The following EBF1 variants were observed in gnomAD, a reference collection of about 807,000 sequenced individuals.
The protein encoded by EBF1 is transcription factor COE1.
EBF1 carries 10 observed loss-of-function variants against 68.4 expected under a neutral mutation model. That is an observed-to-expected ratio of 0.15 (90% CI 0.09 to 0.25). The LOEUF (loss-of-function observed/expected upper bound fraction) is 0.25. EBF1 is among the 10% of genes least tolerant of loss of function. EBF1 has a pLI of 1.00. For synonymous variants in EBF1, 298 were observed against 299.8 expected (o/e 0.99, Z 0.06); for missense variants, 509 against 794.4 (o/e 0.64, Z 4.32).
At chr5:159,054,830 C>T (rs1411935246) in intron 6 of EBF1, among the ~76,000 whole-genome samples, 2 of 152,160 alleles carry the variant, frequency 1.3e-5, no homozygotes, top group Admixed American at 6.5e-5. Flanking sequence ...CAACCTCTGC[C>T]CACAACCTTT....
chr5:158,912,960 A>T (rs1806345377), intron 6 of EBF1, among the ~76,000 whole-genome samples: 1 of 152,224 alleles, frequency 6.6e-6, no homozygotes, highest in Admixed American at 6.5e-5. Flanking sequence ...ATCCAGGACC[A>T]CCTTCTATTC....
At chr5:158,745,591 G>A (rs940756498) in intron 10 of EBF1, among the ~76,000 whole-genome samples, 1 of 152,174 alleles carries the variant, frequency 6.6e-6, no homozygotes, top group Non-Finnish European at 1.5e-5. Context: ...GAAGAGACTA[G>A]ACCAGTTGCT....
In EBF1 at chr5:158,840,039, C is replaced by T; in HGVS notation, c.626G>A (p.Arg209Gln). ...LKNAGNPRDM[R>Q]RFQVVVSTTV... ...ATAAGTCAGACCCACCTGGAATCTC[C>T]GCATGTCACGTGGGTTTCCCGCATT... Residue 209 changes from arginine (R) to glutamine (Q), a missense_variant, in exon 7 of 16, where the codon CGG (arginine) becomes CAG (glutamine). Around this residue, in one of 3 missense-constraint regions of EBF1, gnomAD observed 230 missense variants for 467.7 expected, o/e 0.49. Coordinates refer to ENST00000313708, the MANE Select transcript of EBF1 (RefSeq NM_024007.5). The T allele has an allele frequency of 6.2e-7, 1 of 1,613,908 alleles. No individual in the cohort carries two copies. Among genetic ancestry groups the T allele is most frequent in the Non-Finnish European group, 8.5e-7 (1 of 1,179,846 alleles).
chr5:158,801,637 C>T (rs1057336245), intron 8 of EBF1, among the ~76,000 whole-genome samples: 5 of 144,928 alleles, frequency 3.4e-5, no homozygotes, highest in African/African-American at 1.3e-4. Flanking sequence ...GAACAATGGT[C>T]ATGGTGAGAA....
At chr5:158,915,733 T>A (rs944722798) in intron 6 of EBF1, among the ~76,000 whole-genome samples, 1 of 152,182 alleles carries the variant, frequency 6.6e-6, no homozygotes, top group Non-Finnish European at 1.5e-5. Flanking sequence ...ATTCTGGCAC[T>A]CTTGGTTGTT....
At chr5:158,942,423 A>C (rs1813621851) in intron 6 of EBF1, among the ~76,000 whole-genome samples, 1 of 152,228 alleles carries the variant, frequency 6.6e-6, no homozygotes, top group Non-Finnish European at 1.5e-5. Context: ...TTTATTTATA[A>C]ATTGGGGATA....
chr5:158,951,508 C>G (rs1815969445), intron 6 of EBF1, among the ~76,000 whole-genome samples: 1 of 152,178 alleles, frequency 6.6e-6, no homozygotes. Context: ...ATGCTAATTC[C>G]CCAATCTCTG....
intron 6 of EBF1, among the ~76,000 whole-genome samples, chr5:158,858,870 T>C (rs1176916576): frequency 6.6e-6 from 1 of 152,050 alleles, no homozygotes; most frequent in East Asian, 1.9e-4. Context: ...GGTAAAGCCC[T>C]CCTAATGAGG....
At chr5:158,930,137 T>C (rs553326403) in intron 6 of EBF1, among the ~76,000 whole-genome samples, 1 of 152,326 alleles carries the variant, frequency 6.6e-6, no homozygotes, top group South Asian at 2.1e-4. Flanking sequence ...GTGTTAGAAA[T>C]ACGAAATGCA....
chr5:158,964,174 G>T (rs1460579831), intron 6 of EBF1, among the ~76,000 whole-genome samples: 2 of 152,142 alleles, frequency 1.3e-5, no homozygotes, highest in Non-Finnish European at 2.9e-5. Context: ...AAAGACAAAA[G>T]CAAGCTCAGA....
chr5:159,053,162 G>A (rs899811824), intron 6 of EBF1, among the ~76,000 whole-genome samples: 12 of 152,198 alleles, frequency 7.9e-5, no homozygotes, highest in African/African-American at 1.4e-4. Flanking sequence ...ACACTGCAAG[G>A]TTGGCATCCC....
intron 6 of EBF1, among the ~76,000 whole-genome samples, chr5:158,996,032 C>A (rs1305227268): frequency 2.0e-5 from 3 of 152,160 alleles, no homozygotes; most frequent in African/African-American, 7.2e-5. Flanking sequence ...TGGCCTCCAG[C>A]CTAGGAGAAT....
intron 8 of EBF1, among the ~76,000 whole-genome samples, chr5:158,809,036 C>T (rs537077270): frequency 2.0e-4 from 31 of 152,198 alleles, no homozygotes; most frequent in African/African-American, 7.0e-4. Context: ...TTGATATATG[C>T]ATGTGTTTAT....
intron 9 of EBF1, among the ~76,000 whole-genome samples, chr5:158,795,329 A>G (rs115730449): frequency 6.0e-4 from 92 of 152,240 alleles, no homozygotes; most frequent in African/African-American, 2.2e-3. Flanking sequence ...CTATGTAACT[A>G]TTTGTCTTGG....
At chr5:159,046,516 C>T (rs4921252) in intron 6 of EBF1, among the ~76,000 whole-genome samples, 11,997 of 152,230 alleles carry the variant, frequency 0.079, 524 homozygotes, top group Non-Finnish European at 0.1. Context: ...GCCAAAGCAT[C>T]ATTTCAAAAT....
At chr5:159,021,608 C>T (rs796073840) in intron 6 of EBF1, among the ~76,000 whole-genome samples, 30 of 152,298 alleles carry the variant, frequency 2.0e-4, no homozygotes, top group African/African-American at 7.2e-4. Flanking sequence ...GGAGGATTTG[C>T]CCAAGAACTA....
chr5:159,032,823 A>C (rs1318300516), intron 6 of EBF1, among the ~76,000 whole-genome samples: 2 of 152,168 alleles, frequency 1.3e-5, no homozygotes, highest in Non-Finnish European at 2.9e-5. Flanking sequence ...CAACCAAATT[A>C]TCTCAAGAGG....
At chr5:158,952,768 G>C (rs1212750564) in intron 6 of EBF1, among the ~76,000 whole-genome samples, 1 of 152,110 alleles carries the variant, frequency 6.6e-6, no homozygotes, top group Admixed American at 6.5e-5. Context: ...TGCTTCGTGT[G>C]CCCTAAAAGG....
At chr5:158,850,019 T>C (rs946464137) in intron 6 of EBF1, among the ~76,000 whole-genome samples, 2 of 152,224 alleles carry the variant, frequency 1.3e-5, no homozygotes, top group Middle Eastern at 3.2e-3. Context: ...ATTGCATAAT[T>C]CATACATGAG....
Sources: allele counts gnomAD v4.1 joint callset (sites outside exome capture counted in the v4.1 genomes callset), GRCh38; gene constraint gnomAD v4.1.1; regional missense constraint gnomAD v4.1.1; transcripts MANE v1.5; gene names NCBI Gene and HGNC (gene_info 2026-07-23, HGNC 2026-07-21).